NRG3: variants seen among roughly 807,000 people sequenced by gnomAD.
NRG3 encodes pro-neuregulin-3, membrane-bound isoform.
Under a neutral mutation model 66.9 loss-of-function variants are expected in NRG3, and 31 were observed. The observed-to-expected ratio is 0.46, with a 90% CI of 0.35 to 0.63. NRG3 has a LOEUF of 0.63. Ranked by LOEUF, NRG3 falls within the 20% of genes least tolerant of loss-of-function variation. The pLI, the probability that NRG3 is intolerant of heterozygous loss-of-function variation, is 0.00. For missense variants in NRG3, 910 were observed against 878.9 expected, an observed-to-expected ratio of 1.04 and a Z score of -0.45; for synonymous variants, 393 against 359.4, an observed-to-expected ratio of 1.09 and a Z score of -1.06.
chr10:82,419,488 A>G (rs1374964387), intron 2 of NRG3, among the ~76,000 whole-genome samples: 1 of 152,152 alleles, frequency 6.6e-6, no homozygotes, highest in African/African-American at 2.4e-5. Context: ...ATGTTTCTGT[A>G]CTTTTGCAAG....
At chr10:82,437,974 G>A (rs1590130182) in intron 2 of NRG3, among the ~76,000 whole-genome samples, 1 of 152,154 alleles carries the variant, frequency 6.6e-6, no homozygotes, top group South Asian at 2.1e-4. Flanking sequence ...ATGCCAGTAG[G>A]ATCACTCCTG....
intron 2 of NRG3, among the ~76,000 whole-genome samples, chr10:82,574,696 T>C (rs903591110): frequency 6.6e-6 from 1 of 151,796 alleles, no homozygotes. Flanking sequence ...GTGGTATACA[T>C]ACATAATGCA....
intron 2 of NRG3, among the ~76,000 whole-genome samples, chr10:82,422,844 A>G (rs2089177998): frequency 6.6e-6 from 1 of 152,016 alleles, no homozygotes; most frequent in Non-Finnish European, 1.5e-5. Flanking sequence ...GAACTTGTTG[A>G]GAGTGGCATG....
chr10:82,791,310 G>A (rs867944164), intron 3 of NRG3, among the ~76,000 whole-genome samples: 2 of 140,778 alleles, frequency 1.4e-5, no homozygotes, highest in South Asian at 2.2e-4. Flanking sequence ...TTTTTTTTTT[G>A]GTTTTTTTTT....
intron 1 of NRG3, among the ~76,000 whole-genome samples, chr10:82,297,121 T>C (rs556926868): frequency 6.6e-6 from 1 of 152,340 alleles, no homozygotes; most frequent in African/African-American, 2.4e-5. Context: ...GACTTTATTC[T>C]TTATGGCTGC....
At chr10:82,461,460 T>G (rs1430428672) in intron 2 of NRG3, among the ~76,000 whole-genome samples, 1 of 152,196 alleles carries the variant, frequency 6.6e-6, no homozygotes, top group Non-Finnish European at 1.5e-5. Flanking sequence ...TGCACATCCC[T>G]CCTATTTGCT....
chr10:82,057,475 T>A (rs932316073), intron 1 of NRG3, among the ~76,000 whole-genome samples: 7 of 150,382 alleles, frequency 4.7e-5, no homozygotes, highest in East Asian at 1.9e-4. Context: ...TGTATAATAA[T>A]TTTTTAAATT....
intron 2 of NRG3, among the ~76,000 whole-genome samples, chr10:82,532,220 AAC>A (rs1276995471): frequency 6.6e-5 from 10 of 151,708 alleles, no homozygotes; most frequent in African/African-American, 2.4e-4. Context: ...TATGCTACCA[AAC>A]ACTAGCTCTT....
intron 2 of NRG3, among the ~76,000 whole-genome samples, chr10:82,689,104 G>A (rs757637456): frequency 2.6e-5 from 4 of 152,066 alleles, no homozygotes; most frequent in African/African-American, 4.8e-5. Flanking sequence ...AAGGAAATGC[G>A]AGATGGCACC....
chr10:82,070,345 G>A (rs2133318914), intron 1 of NRG3, among the ~76,000 whole-genome samples: 1 of 152,200 alleles, frequency 6.6e-6, no homozygotes, highest in South Asian at 2.1e-4. Flanking sequence ...GAAAAGAGGA[G>A]GGAAAGAAGA....
chr10:82,928,224 G>T (rs1404471679), intron 4 of NRG3, among the ~76,000 whole-genome samples: 1 of 151,984 alleles, frequency 6.6e-6, no homozygotes, highest in Non-Finnish European at 1.5e-5. Context: ...GTTATTTGTA[G>T]ATTCTGCATA....
At chr10:82,008,827 G>A (rs561423461) in intron 1 of NRG3, among the ~76,000 whole-genome samples, 14 of 152,178 alleles carry the variant, frequency 9.2e-5, no homozygotes, top group Non-Finnish European at 1.8e-4. Context: ...TATTGGCGGT[G>A]GGCATTTTGG....
At chr10:82,069,834 G>A (rs985540095) in intron 1 of NRG3, among the ~76,000 whole-genome samples, 1 of 152,164 alleles carries the variant, frequency 6.6e-6, no homozygotes, top group Non-Finnish European at 1.5e-5. Flanking sequence ...GGGATGGTTA[G>A]CATAGCTTGT....
rs77182702 is a variant in NRG3, at chr10:82,950,980, G to A, written c.1055-489G>A. Reference sequence around the variant, plus strand: ...GTGCCTATTGATTTTTTCTTCATGAGTGATGTCAATCATAGTGATAGTAGG... The same window carrying A: ...GTGCCTATTGATTTTTTCTTCATGAATGATGTCAATCATAGTGATAGTAGG... On this transcript the variant is annotated intron_variant, in intron 4 of 8. Transcript: ENST00000372141. 8.2e-3 allele frequency among the ~76,000 whole-genome samples: 1,234 copies of A among 151,370 alleles called. 21 individuals are homozygous for A. The highest frequency in any genetic ancestry group is 0.029 in the African/African-American group (1,193 of 41,500).
intron 2 of NRG3, among the ~76,000 whole-genome samples, chr10:82,434,290 A>G (rs1301701561): frequency 6.6e-6 from 1 of 152,088 alleles, no homozygotes; most frequent in Non-Finnish European, 1.5e-5. Context: ...ATTTTTGCAC[A>G]TTGATTTTGT....
At chr10:82,269,268 C>T (rs1005882651) in intron 1 of NRG3, among the ~76,000 whole-genome samples, 1 of 152,128 alleles carries the variant, frequency 6.6e-6, no homozygotes, top group Non-Finnish European at 1.5e-5. Context: ...GGAGGCTGAG[C>T]TTGCACAGTG....
rs117360210 is a variant in NRG3, at chr10:82,354,873, G to A, written c.824-3866G>A. Reference sequence around the variant, plus strand: ...GGAGAGAATGATGTCTGATAGCAGGGCCCACTCTGAAATAAGGGAACTTAA... The same window carrying A: ...GGAGAGAATGATGTCTGATAGCAGGACCCACTCTGAAATAAGGGAACTTAA... On this transcript the variant is annotated intron_variant, in intron 1 of 8. Transcript: ENST00000372141. Among the ~76,000 whole-genome samples the A allele has an allele frequency of 9.9e-5, 15 of 152,220 alleles. No individual in the cohort carries two copies. In the East Asian group the frequency reaches 2.7e-3, roughly 28 times the overall value.
rs1399699703 is a variant in NRG3, at chr10:82,200,964, G to A, written c.824-157775G>A. On this transcript the variant is annotated intron_variant, in intron 1 of 8. Transcript: ENST00000372141. ...TGTAATCCCAGCACTTTGGGAGGCC[G>A]AGGTGGGCGGATCACGAGGTCAGGA... Among the ~76,000 whole-genome samples, 3 of 152,002 alleles carry A rather than the reference G, an allele frequency of 2.0e-5. 1 individual carries two copies.
intron 2 of NRG3, among the ~76,000 whole-genome samples, chr10:82,731,286 G>A (rs1260763923): frequency 2.0e-5 from 3 of 150,738 alleles, no homozygotes; most frequent in African/African-American, 4.9e-5. Flanking sequence ...AGAATTGCTT[G>A]AGCCTGGGAG....
Sources: allele counts gnomAD v4.1 joint callset (sites outside exome capture counted in the v4.1 genomes callset), GRCh38; gene constraint gnomAD v4.1.1; transcripts MANE v1.5; gene names NCBI Gene and HGNC (gene_info 2026-07-23, HGNC 2026-07-21).